Variants in IFRD1 observed in about 807,000 individuals in gnomAD.
IFRD1 encodes interferon related developmental regulator 1.
IFRD1 carries 35 observed loss-of-function variants against 52.9 expected under a neutral mutation model. The observed-to-expected ratio is 0.66, with a 90% CI of 0.51 to 0.88. The LOEUF (loss-of-function observed/expected upper bound fraction) is 0.88. Among genes scored for constraint, IFRD1 ranks in the 40% least tolerant of loss-of-function variants. IFRD1 has a pLI of 0.00. For synonymous variants in IFRD1, 184 were observed against 188.4 expected (o/e 0.98, Z 0.19); for missense variants, 517 against 550.8 (o/e 0.94, Z 0.61).
chr7:112,424,540 G>A (rs1320461799), intron 1 of IFRD1, among the ~76,000 whole-genome samples: 1 of 150,796 alleles, frequency 6.6e-6, no homozygotes, highest in African/African-American at 2.4e-5. Flanking sequence ...TCAGCCTCCC[G>A]AGTAGCTGGG....
chr7:112,437,951 T>A (rs957385493), intron 1 of IFRD1, among the ~76,000 whole-genome samples: 14 of 152,162 alleles, frequency 9.2e-5, no homozygotes, highest in African/African-American at 3.4e-4. Flanking sequence ...GTTTGCATAT[T>A]GAGATGGATA....
chr7:112,461,206 T>G, intron 5 of IFRD1: 1 of 152,212 alleles, frequency 6.6e-6, no homozygotes. Context: ...GACAATTATT[T>G]ACATTTTATG....
intron 9 of IFRD1, among the ~76,000 whole-genome samples, chr7:112,471,813 G>T (rs1353920336): frequency 6.6e-6 from 1 of 151,614 alleles, no homozygotes; most frequent in Non-Finnish European, 1.5e-5. Context: ...TCCTTCCCTG[G>T]ATCCCTACTG....
chr7:112,447,692 G>A (rs1257197297), upstream of IFRD1, among the ~76,000 whole-genome samples: 1 of 152,132 alleles, frequency 6.6e-6, no homozygotes, highest in Non-Finnish European at 1.5e-5. Flanking sequence ...TTAGTGACTT[G>A]ATGTTTGGAG....
At chr7:112,467,340 A>G in intron 8 of IFRD1, 1 of 152,318 alleles carries the variant, frequency 6.6e-6, no homozygotes, top group East Asian at 1.9e-4. Context: ...TGGAGTTAGG[A>G]AATAAAAACA....
chr7:112,458,959 G>C lies in IFRD1; in HGVS notation c.508G>C (p.Gly170Arg), dbSNP rs1251846806. The C allele has an allele frequency of 3.7e-6, 6 of 1,613,592 alleles. No homozygotes were observed. In the South Asian group the frequency reaches 5.5e-5, roughly 15 times the overall value. The change falls in exon 5 of 12, where the codon GGA (glycine) becomes CGA (arginine). Residue 170 changes from glycine to arginine, a missense_variant. Coordinates refer to ENST00000403825, the MANE Select transcript of IFRD1 (RefSeq NM_001550.4). ...IESEEILKTL[G>R]PILKKIICDG... is the part of the protein sequence containing the mutation. ...AAGTGAAGAGATTTTGAAAACTCTT[G>C]GACCAATCCTAAAGAAAATCATTTG...
At chr7:112,437,250 C>T (rs1345198307) in intron 1 of IFRD1, 1 of 154,676 alleles carries the variant, frequency 6.5e-6, no homozygotes, top group Non-Finnish European at 1.5e-5. Context: ...ATGATTCAAT[C>T]AAAAAATATG....
In IFRD1 at chr7:112,455,992, T is replaced by C; in HGVS notation, c.200-10T>C. 6.4e-7 allele frequency: 1 copy of C among 1,571,988 alleles called. No homozygotes were observed. Among genetic ancestry groups the C allele is most frequent in the South Asian group, 1.1e-5 (1 of 90,164 alleles). ...TTAAATTACGATGGCTGTTTTATAT[T>C]ATTTCTTAGGACCAGAAGTCCTTGA... On this transcript the variant is annotated splice_polypyrimidine_tract_variant and intron_variant, in intron 2 of 11. Coordinates refer to ENST00000403825, the MANE Select transcript of IFRD1 (RefSeq NM_001550.4).
rs1318898462 is a variant in IFRD1 at position 112,474,892 on chromosome 7, TCTAA to T, written c.1267-535_1267-532del. On this transcript the variant is annotated intron_variant, in intron 11 of 11. Coordinates refer to ENST00000403825, the MANE Select transcript of IFRD1 (RefSeq NM_001550.4). The stretch of plus-strand genomic sequence containing the variant: ...TTTTCACTGTTGGTTTTTGAAATCG[TCTAA>T]CTTTCTTGGCGTTTTACAATTTGAT... 1.1e-4 allele frequency among the ~76,000 whole-genome samples: 17 copies of T among 152,328 alleles called. 1 individual carries two copies. Among genetic ancestry groups the T allele is most frequent in the African/African-American group, 3.4e-4 (14 of 41,582 alleles).
Position 112,476,388 on chromosome 7 carries a change from A to C in IFRD1, c.*869A>C, listed in dbSNP as rs1222367105. 2 of 152,244 alleles carry C rather than the reference A, an allele frequency of 1.3e-5. No homozygotes were observed. Among genetic ancestry groups the C allele is most frequent in the Admixed American group, 1.3e-4 (2 of 15,276 alleles). 9.4% of individuals were successfully genotyped at this position (152,244 alleles called of 1,614,324 possible). ...AGAATATTTCTGCTTGGCAACATGC[A>C]GTGTGGCTCATGCCTATAATCAGCA... On this transcript the variant is annotated 3_prime_UTR_variant, in exon 12 of 12. Coordinates refer to ENST00000403825, the MANE Select transcript of IFRD1 (RefSeq NM_001550.4).
At chr7:112,448,165 AAAAG>A (rs1440341998), upstream of IFRD1, among the ~76,000 whole-genome samples, 1 of 151,786 alleles carries the variant, frequency 6.6e-6, no homozygotes, top group African/African-American at 2.4e-5. Context: ...AGAAAAAAAG[AAAAG>A]AAATTAAAAA....
chr7:112,472,169 C>G lies in IFRD1; in HGVS notation c.1042-50C>G, dbSNP rs1795765704. 5.6e-6 allele frequency: 9 copies of G among 1,604,074 alleles called. No homozygotes were observed. In the South Asian group the frequency reaches 6.6e-5, roughly 12 times the overall value. ...TAGAAATTGTGTTTACATAAGATCC[C>G]TCTGAGCCATTTTAGTGCCTGTGGT... is the stretch of plus-strand genomic sequence containing the variant. On this transcript the variant is annotated intron_variant, in intron 9 of 11. Transcript: ENST00000403825.
In IFRD1 at chr7:112,455,769, A is replaced by G; in HGVS notation, c.101A>G (p.Gln34Arg). Residue 34 changes from glutamine to arginine, a missense_variant, in exon 2 of 12, where the codon CAG becomes CGG. By Grantham distance (43) the Gln-to-Arg change is conservative. Transcript: ENST00000403825. ...TTCCTCTTTTACCTAATAGGTGGCC[A>G]GCATCGAAATGTTCAGCCTTTTAGT... ...AAATAATAGGQHRNVQPFSDE... is the reference protein window; with the variant it reads ...AAATAATAGGRHRNVQPFSDE... 6.2e-7 allele frequency: 1 copy of G among 1,605,346 alleles called. No individual in the cohort carries two copies. The highest frequency in any genetic ancestry group is 8.5e-7 in the Non-Finnish European group (1 of 1,172,126).
chr7:112,461,938 CTAGTT>C (rs758790432), intron 6 of IFRD1, 22 bp downstream of exon 6: 4 of 1,605,994 alleles, frequency 2.5e-6, no homozygotes, highest in Non-Finnish European at 3.4e-6. Flanking sequence ...ACCTTTGATT[CTAGTT>C]ATCTGCAGTT....
At position 112,455,863 on chromosome 7, in the gene IFRD1, A is replaced by G. The variant is rs758438111; in HGVS notation, c.195A>G (p.Glu65=). ...ATAGCGATCCTTCCAGTTTTGCTGA[A>G]GATGGTATGAGTTTTAAATTTAAAT... ...SGYSDPSSFA[E]DGPEVLDEEG... Residue 65 remains glutamate, a synonymous_variant, in exon 2 of 12, where the codon GAA becomes GAG. Transcript: ENST00000403825. 53 of 1,601,828 alleles carry G rather than the reference A, an allele frequency of 3.3e-5. No homozygotes were observed. In the South Asian group the frequency reaches 5.4e-4, roughly 16 times the overall value.
At position 112,426,962 on chromosome 7, in the gene IFRD1, G is replaced by A. The variant is rs148794375; in HGVS notation, c.-182+3530G>A. On this transcript the variant is annotated intron_variant, in intron 1 of 12. Transcript: ENST00000005558. ...CCTAACCAAGGTACATCTTATATAC[G>A]TTGATTCATGTCTCATGTCTCCCTA... Among the ~76,000 whole-genome samples, 779 of 152,236 alleles carry A rather than the reference G, an allele frequency of 5.1e-3. 8 individuals are homozygous for A. Among genetic ancestry groups the A allele is most frequent in the African/African-American group, 0.017 (719 of 41,522 alleles).
intron 9 of IFRD1, among the ~76,000 whole-genome samples, chr7:112,468,316 A>G: frequency 6.6e-6 from 1 of 151,834 alleles, no homozygotes; most frequent in Admixed American, 6.6e-5. Flanking sequence ...GTGTATAAAG[A>G]TACTTTATTT....
At chr7:112,468,720 G>A (rs1021027158) in intron 9 of IFRD1, among the ~76,000 whole-genome samples, 4 of 152,146 alleles carry the variant, frequency 2.6e-5, no homozygotes, top group African/African-American at 9.7e-5. Flanking sequence ...GGCTGGTCTT[G>A]AACTCCTGAC....
At chr7:112,446,319 C>A, upstream of IFRD1, 2 of 216,880 alleles carry the variant, frequency 9.2e-6, no homozygotes, top group South Asian at 7.7e-5. Flanking sequence ...TACAGTATTT[C>A]AGGACAGCCA....
Sources: gnomAD v4.1 joint callset for allele counts (sites outside exome capture counted in the v4.1 genomes callset) on GRCh38, gnomAD v4.1.1 for gene constraint, MANE v1.5 for transcripts, NCBI Gene and HGNC (gene_info 2026-07-23, HGNC 2026-07-21) for gene names.